The following PCDHGA7 variants were observed in gnomAD, a reference collection of about 807,000 sequenced individuals.
The protein encoded by PCDHGA7 is protocadherin gamma-A7.
Under a neutral mutation model 58.3 loss-of-function variants are expected in PCDHGA7, and 44 were observed. The observed-to-expected ratio is 0.75, with a 90% CI of 0.59 to 0.97. The LOEUF is 0.97. Among genes scored for constraint, PCDHGA7 ranks in the 50% least tolerant of loss-of-function variants. PCDHGA7 has a pLI of 0.00. For missense variants in PCDHGA7, 1,266 were observed against 1,188.7 expected, an observed-to-expected ratio of 1.06 and a Z score of -0.96; for synonymous variants, 516 against 504.2, an observed-to-expected ratio of 1.02 and a Z score of -0.31.
chr5:141,476,601 C>A lies in PCDHGA7; in HGVS notation c.2425-18206C>A. On this transcript the variant is annotated intron_variant, in intron 1 of 3. Coordinates refer to ENST00000518325, the MANE Select transcript of PCDHGA7 (RefSeq NM_018920.4). The surrounding 1 kb of genome is among the most constrained non-coding windows in gnomAD (Gnocchi z 7.6). ...TTTCCGCTCGAGAGCGCGCACGATC[C>A]CGATGTGGGAAGCAACTCTTTACAA... The A allele has an allele frequency of 6.2e-7, 1 of 1,614,228 alleles. No homozygotes were observed. The highest frequency in any genetic ancestry group is 2.2e-5 in the East Asian group (1 of 44,878).
chr5:141,413,352 G>A (rs896091511), intron 1 of PCDHGA7: 1 of 1,613,976 alleles, frequency 6.2e-7, no homozygotes, highest in African/African-American at 1.3e-5. Flanking sequence ...TGGGTCTGGC[G>A]CCCCGGGAGC....
At chr5:141,418,568 G>A (rs769914679) in intron 1 of PCDHGA7, 62 of 1,613,902 alleles carry the variant, frequency 3.8e-5, no homozygotes, top group Non-Finnish European at 5.2e-5. Context: ...AGATGCCAAT[G>A]ACAACCCCCC....
chr5:141,421,243 C>A (rs201273667), intron 1 of PCDHGA7: 1 of 1,601,658 alleles, frequency 6.2e-7, no homozygotes. Flanking sequence ...GAATCGGCTA[C>A]AGCGCGGGGA....
At chr5:141,436,849 T>C (rs1007573014) in intron 1 of PCDHGA7, among the ~76,000 whole-genome samples, 11 of 152,256 alleles carry the variant, frequency 7.2e-5, no homozygotes, top group African/African-American at 2.7e-4. Context: ...ACATTCTTGA[T>C]TGAGAAGCCA....
chr5:141,399,529 G>T (rs946281582), intron 1 of PCDHGA7: 3 of 1,614,010 alleles, frequency 1.9e-6, no homozygotes, highest in Non-Finnish European at 2.5e-6. Flanking sequence ...GGCCTCCATC[G>T]CGCAAGTCTG....
In PCDHGA7 at chr5:141,383,770, A is replaced by T. The variant is rs776707003; in HGVS notation, c.871A>T (p.Met291Leu). The T allele has an allele frequency of 6.8e-6, 11 of 1,613,890 alleles. No individual in the cohort carries two copies. Among genetic ancestry groups the T allele is most frequent in the Non-Finnish European group, 8.5e-6 (10 of 1,179,900 alleles). Reference sequence around the variant, plus strand: ...GAAAATAACTCCTAAACTTCCAAAGATGTTTCATCTGAACTCGCTTACAGG... The same window carrying T: ...GAAAATAACTCCTAAACTTCCAAAGTTGTTTCATCTGAACTCGCTTACAGG... ...FRKITPKLPK[M>L]FHLNSLTGEI... The change falls in exon 1 of 4, where the codon ATG becomes TTG. Residue 291 changes from methionine (M) to leucine (L), a missense_variant. By Grantham distance (15) the Met-to-Leu change is conservative (BLOSUM62 2). Coordinates refer to ENST00000518325, the MANE Select transcript of PCDHGA7 (RefSeq NM_018920.4).
At chr5:141,407,889 G>T (rs1378600394) in intron 1 of PCDHGA7, 1 of 389,100 alleles carries the variant, frequency 2.6e-6, no homozygotes, top group Non-Finnish European at 4.6e-6. Context: ...TTCGGAGACC[G>T]AATTCAAAAT....
At chr5:141,428,606 A>G (rs1270096118) in intron 1 of PCDHGA7, 4 of 216,044 alleles carry the variant, frequency 1.9e-5, no homozygotes, top group Admixed American at 1.6e-4. Context: ...TTCACTGAAG[A>G]GAATAACAAG....
At chr5:141,502,542 A>G (rs2099814957) in intron 2 of PCDHGA7, among the ~76,000 whole-genome samples, 1 of 152,216 alleles carries the variant, frequency 6.6e-6, no homozygotes, top group Admixed American at 6.5e-5. Context: ...TTCGTGTGGT[A>G]AAAACAGTGT....
intron 1 of PCDHGA7, chr5:141,408,546 A>G (rs777449394): frequency 6.2e-7 from 1 of 1,613,898 alleles, no homozygotes; most frequent in Non-Finnish European, 8.5e-7. Context: ...AATCCTTTAA[A>G]TATTTTTCAT....
chr5:141,462,486 G>A (rs62379193), intron 1 of PCDHGA7, among the ~76,000 whole-genome samples: 5,124 of 152,042 alleles, frequency 0.034, 100 homozygotes, highest in Middle Eastern at 0.088. Flanking sequence ...CGTGGTTGTT[G>A]TATCCTATAA....
chr5:141,413,981 C>A (rs563161887), intron 1 of PCDHGA7: 1 of 1,613,452 alleles, frequency 6.2e-7, no homozygotes, highest in Admixed American at 1.7e-5. Context: ...CTGACAGTCA[C>A]AGCCACCGAC....
Position 141,427,950 on chromosome 5 carries a change from A to C in PCDHGA7, c.2424+42627A>C, listed in dbSNP as rs773336611. The stretch of plus-strand genomic sequence containing the variant: ...CATGTTGGTGGGCGACCTCAATGAC[A>C]ATGTGCCGCGGGTGCTGTACCCCGC... On this transcript the variant is annotated intron_variant, in intron 1 of 3. Transcript: ENST00000518325. 7 of 1,586,816 alleles carry C rather than the reference A, an allele frequency of 4.4e-6. No individual in the cohort carries two copies. The African/African-American group carries it at 8.1e-5, about 18-fold the overall frequency.
At chr5:141,409,464 C>T in intron 1 of PCDHGA7, 1 of 1,613,940 alleles carries the variant, frequency 6.2e-7, no homozygotes, top group East Asian at 2.2e-5. Context: ...TACAATGTCA[C>T]CATCGTAGCC....
At position 141,399,531 on chromosome 5, in the gene PCDHGA7, G is replaced by T. The variant is rs771221717; in HGVS notation, c.2424+14208G>T. 24 of 1,614,052 alleles carry T rather than the reference G, an allele frequency of 1.5e-5. No homozygotes were observed. The South Asian group carries it at 2.0e-4, about 13-fold the overall frequency. ...ACAACCCTCCTGGGGCCTCCATCGC[G>T]CAAGTCTGCGCCTCGGACCTGGACT... On this transcript the variant is annotated intron_variant, in intron 1 of 3. Coordinates refer to ENST00000518325, the MANE Select transcript of PCDHGA7 (RefSeq NM_018920.4).
chr5:141,422,338 A>C, intron 1 of PCDHGA7: 1 of 1,550,090 alleles, frequency 6.5e-7, no homozygotes, highest in Non-Finnish European at 8.7e-7. Flanking sequence ...TGCTCTTCTA[A>C]ATGTGCAAGA....
chr5:141,472,998 G>GAA (rs2099311030), intron 1 of PCDHGA7, among the ~76,000 whole-genome samples: 1 of 134,744 alleles, frequency 7.4e-6, no homozygotes, highest in Non-Finnish European at 1.6e-5. Flanking sequence ...AAAAAAAAAA[G>GAA]AAAGAAAAAG....
At chr5:141,459,670 T>A (rs890411975) in intron 1 of PCDHGA7, among the ~76,000 whole-genome samples, 4 of 152,264 alleles carry the variant, frequency 2.6e-5, no homozygotes, top group African/African-American at 9.6e-5. Context: ...TACATTTTCA[T>A]GAGCAATGCA....
chr5:141,404,907 C>T (rs2094582940), intron 1 of PCDHGA7: 1 of 1,613,890 alleles, frequency 6.2e-7, no homozygotes. Context: ...CATGGCCAGC[C>T]CCCTCTCTCG....
Sources: allele counts gnomAD v4.1 joint callset (sites outside exome capture counted in the v4.1 genomes callset), GRCh38; gene constraint gnomAD v4.1.1; non-coding constraint Gnocchi (gnomAD v3.1); transcripts MANE v1.5; gene names NCBI Gene and HGNC (gene_info 2026-07-23, HGNC 2026-07-21).